FNDC3A: variants seen among roughly 807,000 people sequenced by gnomAD.
FNDC3A encodes fibronectin type III domain containing 3A, also known as fibronectin type-III domain-containing protein 3A.
Under a neutral mutation model 148.9 loss-of-function variants are expected in FNDC3A, and 32 were observed. The ratio of observed to expected loss-of-function variants is 0.21; its 90% CI spans 0.16 to 0.29. The LOEUF (loss-of-function observed/expected upper bound fraction) is 0.29, where lower values mean the gene tolerates loss of function less well. Ranked by LOEUF, FNDC3A falls within the 10% of genes least tolerant of loss-of-function variation. The pLI, the probability that FNDC3A is intolerant of heterozygous loss-of-function variation, is 1.00. For synonymous variants in FNDC3A, 472 were observed against 473.6 expected (o/e 1.00, Z 0.04); for missense variants, 1,191 against 1,452.8 (o/e 0.82, Z 2.93).
At chr13:49,196,082 A>AC (rs1347244804) in intron 19 of FNDC3A, among the ~76,000 whole-genome samples, 1 of 113,620 alleles carries the variant, frequency 8.8e-6, no homozygotes, top group African/African-American at 2.8e-5. Flanking sequence ...CCTTGTCTCA[A>AC]AAAAAAAAAA....
chr13:49,093,701 C>T (rs1879337319), intron 3 of FNDC3A, among the ~76,000 whole-genome samples: 1 of 152,130 alleles, frequency 6.6e-6, no homozygotes, highest in Admixed American at 6.5e-5. Context: ...CATAGTCCAA[C>T]AATGATTAGT....
At chr13:48,987,356 CTT>C (rs1951826260) in intron 1 of FNDC3A, among the ~76,000 whole-genome samples, 1 of 152,198 alleles carries the variant, frequency 6.6e-6, no homozygotes, top group African/African-American at 2.4e-5. Context: ...TTCTTTCTCT[CTT>C]GTTTCCATAG....
chr13:49,127,455 G>C (rs925717097), intron 4 of FNDC3A, among the ~76,000 whole-genome samples: 2 of 152,072 alleles, frequency 1.3e-5, no homozygotes, highest in Non-Finnish European at 2.9e-5. Flanking sequence ...TACCAAAACT[G>C]CCCTCTTCAA....
rs1349284655 is a variant in FNDC3A, at chr13:49,196,593, G to A, written c.2227-284G>A. On this transcript the variant is annotated intron_variant, in intron 19 of 25. Transcript: ENST00000492622. ...TATATTTCTCCTGAATTATTCCACCGACCTCATTCCCTAATGTCCTGCCCT... is the reference window on the plus strand; with the variant it reads ...TATATTTCTCCTGAATTATTCCACCAACCTCATTCCCTAATGTCCTGCCCT... Among the ~76,000 whole-genome samples, 6 of 151,844 alleles carry A rather than the reference G, an allele frequency of 4.0e-5. No individual in the cohort carries two copies. The East Asian group carries it at 1.2e-3, about 29-fold the overall frequency.
intron 8 of FNDC3A, among the ~76,000 whole-genome samples, chr13:49,151,825 G>T (rs773256219): frequency 6.6e-6 from 1 of 152,078 alleles, no homozygotes; most frequent in Non-Finnish European, 1.5e-5. Flanking sequence ...GAGAACATGC[G>T]GTGTTTGGTT....
intron 14 of FNDC3A, among the ~76,000 whole-genome samples, chr13:49,182,642 T>A (rs1285281115): frequency 6.6e-6 from 1 of 152,180 alleles, no homozygotes; most frequent in African/African-American, 2.4e-5. Flanking sequence ...CACTTTCAGC[T>A]TATTCCTTGT....
intron 7 of FNDC3A, among the ~76,000 whole-genome samples, chr13:49,140,559 A>C (rs1882631748): frequency 6.6e-6 from 1 of 152,174 alleles, no homozygotes; most frequent in Non-Finnish European, 1.5e-5. Flanking sequence ...AGTGCAGGTC[A>C]GGGTTTTTGC....
chr13:49,166,816 A>G (rs752866300), intron 8 of FNDC3A, among the ~76,000 whole-genome samples: 2 of 152,208 alleles, frequency 1.3e-5, no homozygotes, highest in Non-Finnish European at 2.9e-5. Context: ...GTAACATTTT[A>G]AATGAAGTTC....
At chr13:49,109,304 A>G (rs1198580854) in intron 3 of FNDC3A, among the ~76,000 whole-genome samples, 1 of 152,194 alleles carries the variant, frequency 6.6e-6, no homozygotes. Flanking sequence ...CATTCTCACA[A>G]CAATGCTATG....
chr13:49,185,919 T>C (rs780539043), intron 14 of FNDC3A, 45 bp from the exon 15 acceptor site: 2 of 1,463,848 alleles, frequency 1.4e-6, no homozygotes, highest in South Asian at 2.4e-5. Context: ...CCAGTATCAT[T>C]AGGTATCAAG....
chr13:49,054,809 C>T (rs1298930241), intron 2 of FNDC3A, among the ~76,000 whole-genome samples: 3 of 152,248 alleles, frequency 2.0e-5, no homozygotes, highest in African/African-American at 7.2e-5. Context: ...TGCTGAGCCC[C>T]TCGGAGGTCC....
chr13:49,197,655 G>A (rs1249752492), intron 20 of FNDC3A, 70 bp from the exon 21 acceptor site: 3 of 1,340,880 alleles, frequency 2.2e-6, no homozygotes, highest in East Asian at 4.8e-5. Context: ...CTCAGGTAAA[G>A]AGCATTTTTG....
rs549462997 is a variant in FNDC3A at position 49,082,160 on chromosome 13, C to T, written c.175+6796C>T. 1.4e-3 allele frequency among the ~76,000 whole-genome samples: 212 copies of T among 152,018 alleles called. 1 individual carries two copies. The highest frequency in any genetic ancestry group is 4.6e-3 in the African/African-American group (192 of 41,472). On this transcript the variant is annotated intron_variant, in intron 3 of 25. Coordinates refer to ENST00000492622, the MANE Select transcript of FNDC3A (RefSeq NM_001079673.2). ...AGCACTTTGGGAGGCCGAGGTGGGG[C>T]GGATCACCTGTGGTCAGGAGTTCGA...
Position 49,016,448 on chromosome 13 carries a change from T to G in FNDC3A, c.99+10159T>G, listed in dbSNP as rs188791801. Among the ~76,000 whole-genome samples the G allele has an allele frequency of 5.9e-5, 9 of 152,334 alleles. No individual in the cohort carries two copies. In the East Asian group the frequency reaches 1.5e-3, roughly 26 times the overall value. ...TGTATTTCTGTGGGATCTGGTGATA[T>G]CCCCTTTATCATTTTTTATTGTATC... On this transcript the variant is annotated intron_variant, in intron 2 of 25. Transcript: ENST00000492622.
At chr13:49,020,546 G>A (rs750102869) in intron 2 of FNDC3A, among the ~76,000 whole-genome samples, 1 of 152,204 alleles carries the variant, frequency 6.6e-6, no homozygotes, top group African/African-American at 2.4e-5. Context: ...GCGCCACATA[G>A]TCTTCACCTG....
chr13:48,989,162 T>G (rs1358538503), intron 1 of FNDC3A, among the ~76,000 whole-genome samples: 1 of 152,218 alleles, frequency 6.6e-6, no homozygotes, highest in African/African-American at 2.4e-5. Context: ...GCTCTGTTCT[T>G]GCCTAATCCA....
chr13:49,055,994 C>G (rs1876209596), intron 2 of FNDC3A, among the ~76,000 whole-genome samples: 2 of 151,974 alleles, frequency 1.3e-5, no homozygotes, highest in Non-Finnish European at 2.9e-5. Context: ...CAAGACCAGC[C>G]CAGGCAGCAT....
chr13:49,046,015 T>C (rs1386227004), intron 2 of FNDC3A: 2 of 171,094 alleles, frequency 1.2e-5, no homozygotes, highest in South Asian at 3.0e-4. Context: ...AAGCTAATAT[T>C]TGAGATAGAA....
At chr13:49,071,102 G>A (rs1180604490) in intron 2 of FNDC3A, among the ~76,000 whole-genome samples, 1 of 113,046 alleles carries the variant, frequency 8.8e-6, no homozygotes, top group Non-Finnish European at 1.7e-5. Context: ...GTCTCACTCT[G>A]TTGCCCAGGT....
Sources: allele counts gnomAD v4.1 joint callset (sites outside exome capture counted in the v4.1 genomes callset), GRCh38; gene constraint gnomAD v4.1.1; transcripts MANE v1.5; gene names NCBI Gene and HGNC (gene_info 2026-07-23, HGNC 2026-07-21).